Variants in CST6 observed in about 807,000 individuals in gnomAD.
CST6 encodes the protein cystatin E/M, also known as cystatin-M.
A neutral mutation model predicts 10.7 loss-of-function variants in CST6; 8 were observed. The ratio of observed to expected loss-of-function variants is 0.75; its 90% confidence interval spans 0.44 to 1.34. CST6 has a LOEUF of 1.34. Ranked by LOEUF, CST6 falls within the 40% of genes most tolerant of loss-of-function variation. CST6 has a pLI of 0.01. For synonymous variants in CST6, 100 were observed against 89.3 expected, an observed-to-expected ratio of 1.12 and a Z score of -0.68; for missense variants, 206 against 205.1, an observed-to-expected ratio of 1.00 and a Z score of -0.03.
At position 66,012,107 on chromosome 11, in the gene CST6, G is replaced by T; in HGVS notation, c.63G>T (p.Ala21=). 1.9e-6 allele frequency: 3 copies of T among 1,557,352 alleles called. No homozygotes were observed. Among genetic ancestry groups the T allele is most frequent in the Non-Finnish European group, 2.6e-6 (3 of 1,158,812 alleles). ...GLALVAFCLL[A]LPRDARARPQ... ...CCCTGGTCGCATTCTGCCTCCTGGCGCTGCCACGCGACGCCCGGGCCCGGC... is the reference window on the plus strand; with the variant it reads ...CCCTGGTCGCATTCTGCCTCCTGGCTCTGCCACGCGACGCCCGGGCCCGGC... The change falls in exon 1 of 3, where the codon GCG becomes GCT. Residue 21 remains alanine (A), a synonymous_variant. Transcript: ENST00000312134.
In CST6 at chr11:66,012,354, G is replaced by A. The variant is rs190751510; in HGVS notation, c.240+70G>A. ...GGGAGGCCACAGGCGCTGCCCCAGCGTGCATGAAGGGGGCCTAAAAGCGCA... is the reference window on the plus strand; with the variant it reads ...GGGAGGCCACAGGCGCTGCCCCAGCATGCATGAAGGGGGCCTAAAAGCGCA... On this transcript the variant is annotated intron_variant, in intron 1 of 2. Coordinates refer to ENST00000312134, the MANE Select transcript of CST6 (RefSeq NM_001323.4). 312 of 1,482,512 alleles carry A rather than the reference G, an allele frequency of 2.1e-4. 1 individual carries two copies. In the African/African-American group the frequency reaches 4.0e-3, roughly 19 times the overall value. The allele number at this position is 1,482,512 out of a possible 1,614,324, so 91.8% of individuals were successfully genotyped here.
At chr11:66,012,341 G>A in intron 1 of CST6, 57 bp downstream of exon 1, 1 of 1,524,684 alleles carries the variant, frequency 6.6e-7, no homozygotes, top group Non-Finnish European at 8.8e-7. Context: ...GAGGCCACAG[G>A]CGCTGCCCCA....
intron 1 of CST6, 142 bp from the exon 2 acceptor site, chr11:66,012,677 CCCCCCCA>C: frequency 9.5e-5 from 6 of 63,294 alleles, no homozygotes; most frequent in African/African-American, 2.7e-4. Flanking sequence ...CCCCCCCACC[CCCCCCCA>C]CCCCCCCCCA....
chr11:66,012,662 A>ACACC, intron 1 of CST6, among the ~76,000 whole-genome samples, 164 bp from the exon 2 acceptor site: 1 of 11,690 alleles, frequency 8.6e-5, no homozygotes, highest in Non-Finnish European at 1.9e-4. Flanking sequence ...CCCCACCAGA[A>ACACC]CTCCCCCCCC....
At position 66,013,183 on chromosome 11, in the gene CST6, G is replaced by T. The variant is rs554278099; in HGVS notation, c.367-134G>T. 9.0e-6 allele frequency: 9 copies of T among 1,005,132 alleles called. No homozygotes were observed. In the South Asian group the frequency reaches 1.0e-4, roughly 11 times the overall value. The allele number at this position is 1,005,132 out of a possible 1,614,324, so 62.3% of individuals were successfully genotyped here. A position where few individuals can be genotyped will look rare whatever the true frequency, so the allele number is the denominator to read the frequency against. ...ATCTGGAGTCTAGCCCCAGACATGC[G>T]GCTTGACATCCGTTGGGTCAGTGAT... On this transcript the variant is annotated intron_variant, in intron 2 of 2. Transcript: ENST00000312134.
In CST6 at chr11:66,012,138, G is replaced by T. The variant is rs1856173218; in HGVS notation, c.94G>T (p.Glu32Ter). The T allele has an allele frequency of 1.3e-6, 2 of 1,552,154 alleles. No individual in the cohort carries two copies. Among genetic ancestry groups the T allele is most frequent in the East Asian group, 2.4e-5 (1 of 42,030 alleles). Reference protein sequence around the residue: ...LPRDARARPQERMVGELRDLS... With the variant: ...LPRDARARPQ Reference sequence around the variant, plus strand: ...ACGCGACGCCCGGGCCCGGCCGCAGGAGCGCATGGTCGGAGAACTCCGGGA... The same window carrying T: ...ACGCGACGCCCGGGCCCGGCCGCAGTAGCGCATGGTCGGAGAACTCCGGGA... Residue 32 changes from glutamate to a stop codon, truncating the protein, a stop_gained, in exon 1 of 3, where the codon GAG becomes TAG. Transcript: ENST00000312134. LOFTEE classifies it high-confidence loss of function.
At chr11:66,012,444 C>T (rs1856177438) in intron 1 of CST6, among the ~76,000 whole-genome samples, 160 bp downstream of exon 1, 1 of 152,220 alleles carries the variant, frequency 6.6e-6, no homozygotes, top group Non-Finnish European at 1.5e-5. Context: ...GATGGACAAC[C>T]ATCTAAATTT....
Position 66,012,138 on chromosome 11 carries a change from G to C in CST6, c.94G>C (p.Glu32Gln). 6.4e-7 allele frequency: 1 copy of C among 1,552,154 alleles called. No individual in the cohort carries two copies. The highest frequency in any genetic ancestry group is 8.7e-7 in the Non-Finnish European group (1 of 1,153,144). Reference sequence around the variant, plus strand: ...ACGCGACGCCCGGGCCCGGCCGCAGGAGCGCATGGTCGGAGAACTCCGGGA... The same window carrying C: ...ACGCGACGCCCGGGCCCGGCCGCAGCAGCGCATGGTCGGAGAACTCCGGGA... ...LPRDARARPQ[E>Q]RMVGELRDLS... The change falls in exon 1 of 3, where the codon GAG becomes CAG. Residue 32 changes from glutamate (E) to glutamine (Q), a missense_variant. Transcript: ENST00000312134.
Position 66,012,153 on chromosome 11 carries a change from G to A in CST6, c.109G>A (p.Glu37Lys), listed in dbSNP as rs1439140118. 5 of 1,556,594 alleles carry A rather than the reference G, an allele frequency of 3.2e-6. No individual in the cohort carries two copies. Among genetic ancestry groups the A allele is most frequent in the Non-Finnish European group, 4.3e-6 (5 of 1,154,468 alleles). ...CCGGCCGCAGGAGCGCATGGTCGGA[G>A]AACTCCGGGACCTGTCGCCCGACGA... ...RARPQERMVG[E>K]LRDLSPDDPQ... is the part of the protein sequence containing the mutation. The change falls in exon 1 of 3, where the codon GAA (glutamate) becomes AAA (lysine). Residue 37 changes from glutamate (E) to lysine (K), a missense_variant. Transcript: ENST00000312134.
intron 2 of CST6, 131 bp from the exon 3 acceptor site, chr11:66,013,186 T>C (rs776828809): frequency 7.0e-5 from 71 of 1,007,262 alleles, no homozygotes; most frequent in Middle Eastern, 2.1e-4. Flanking sequence ...GACATGCGGC[T>C]TGACATCCGT....
Position 66,012,863 on chromosome 11 carries a change from T to A in CST6, c.278T>A (p.Met93Lys). ...ATCAAGTACTTCCTGACGATGGAGA[T>A]GGGGAGCACAGACTGCCGCAAGACC... Reference protein sequence around the residue: ...AGIKYFLTMEMGSTDCRKTRV... With the variant: ...AGIKYFLTMEKGSTDCRKTRV... Residue 93 changes from methionine to lysine, a missense_variant, in exon 2 of 3, where the codon ATG becomes AAG. Physicochemically the swap from Met to Lys is moderately conservative, Grantham distance 95 (BLOSUM62 -1). Transcript: ENST00000312134. 1 of 1,611,230 alleles carries A rather than the reference T, an allele frequency of 6.2e-7. No individual in the cohort carries two copies. Among genetic ancestry groups the A allele is most frequent in the Non-Finnish European group, 8.5e-7 (1 of 1,177,912 alleles).
At chr11:66,012,671 C>CACT (rs1856180611) in intron 1 of CST6, among the ~76,000 whole-genome samples, 155 bp from the exon 2 acceptor site, 1 of 14,060 alleles carries the variant, frequency 7.1e-5, no homozygotes, top group Admixed American at 7.7e-4. Context: ...AACTCCCCCC[C>CACT]CCACCCCCCC....
intron 1 of CST6, among the ~76,000 whole-genome samples, 164 bp from the exon 2 acceptor site, chr11:66,012,662 A>ACCCCCCCCCCCC (rs1306316798): frequency 8.6e-5 from 1 of 11,682 alleles, no homozygotes; most frequent in Non-Finnish European, 1.9e-4. Flanking sequence ...CCCCACCAGA[A>ACCCCCCCCCCCC]CTCCCCCCCC....
At chr11:66,012,753 A>G in intron 1 of CST6, 73 bp from the exon 2 acceptor site, 1 of 1,386,072 alleles carries the variant, frequency 7.2e-7, no homozygotes, top group Non-Finnish European at 9.6e-7. Context: ...GGGCAACAGG[A>G]GAATATATCA....
Position 66,012,248 on chromosome 11 carries a change from CTTCCGAGA to C in CST6, c.205_212del (p.Phe69HisfsTer56). On this transcript the variant is annotated frameshift_variant, in exon 1 of 3. Coordinates refer to ENST00000312134, the MANE Select transcript of CST6 (RefSeq NM_001323.4). LOFTEE classifies it high-confidence loss of function. Reference sequence around the variant, plus strand: ...ACATGGGCAGCAACAGCATCTACTACTTCCGAGACACGCACATCATCAAGGCGCAGAGC... The same window carrying C: ...ACATGGGCAGCAACAGCATCTACTACCACGCACATCATCAAGGCGCAGAGC... 1 of 1,606,466 alleles carries C rather than the reference CTTCCGAGA, an allele frequency of 6.2e-7. No individual in the cohort carries two copies. Among genetic ancestry groups the C allele is most frequent in the Non-Finnish European group, 8.5e-7 (1 of 1,176,570 alleles).
At position 66,012,915 on chromosome 11, in the gene CST6, C is replaced by T. The variant is rs887061325; in HGVS notation, c.330C>T (p.Leu110=). 1.2e-6 allele frequency: 2 copies of T among 1,613,794 alleles called. No individual in the cohort carries two copies. Among genetic ancestry groups the T allele is most frequent in the East Asian group, 4.5e-5 (2 of 44,874 alleles). ...GGGTCACTGGAGACCACGTCGACCT[C>T]ACCACTTGCCCCCTGGCAGCAGGGG... The part of the protein sequence containing the change: ...KTRVTGDHVD[L]TTCPLAAGAQ... The change falls in exon 2 of 3, where the codon CTC becomes CTT. Residue 110 remains leucine (L), a synonymous_variant. Coordinates refer to ENST00000312134, the MANE Select transcript of CST6 (RefSeq NM_001323.4).
intron 1 of CST6, 128 bp downstream of exon 1, chr11:66,012,412 C>T: frequency 1.7e-6 from 2 of 1,210,344 alleles, no homozygotes; most frequent in South Asian, 3.2e-5. Flanking sequence ...TTTTAAAAAT[C>T]GAATTAATGC....
In CST6 at chr11:66,012,559, G is replaced by A. The variant is rs1008318658; in HGVS notation, c.241-267G>A. Among the ~76,000 whole-genome samples the A allele has an allele frequency of 2.0e-5, 3 of 152,082 alleles. No homozygotes were observed. The South Asian group carries it at 6.2e-4, about 32-fold the overall frequency. On this transcript the variant is annotated intron_variant, in intron 1 of 2. Transcript: ENST00000312134. ...GTGGATCGGGGAGGAGGGAAGGCAGGTGGGGACAGTGGGCAGCTCCCTAGA... is the reference window on the plus strand; with the variant it reads ...GTGGATCGGGGAGGAGGGAAGGCAGATGGGGACAGTGGGCAGCTCCCTAGA...
chr11:66,013,314 C>T lies in CST6; in HGVS notation c.367-3C>T, dbSNP rs1428532723. 6.2e-7 allele frequency: 1 copy of T among 1,613,736 alleles called. No homozygotes were observed. Among genetic ancestry groups the T allele is most frequent in the Non-Finnish European group, 8.5e-7 (1 of 1,179,736 alleles). On this transcript the variant is annotated splice_region_variant and splice_polypyrimidine_tract_variant and intron_variant, in intron 2 of 2. Transcript: ENST00000312134. ...CTCCTTCTCCCCCATATTCCCTCCA[C>T]AGAAGCTGCGCTGTGACTTTGAGGT...
Sources: gnomAD v4.1 joint callset for allele counts (sites outside exome capture counted in the v4.1 genomes callset) on GRCh38, gnomAD v4.1.1 for gene constraint, MANE v1.5 for transcripts, NCBI Gene and HGNC (gene_info 2026-07-23, HGNC 2026-07-21) for gene names.